CDH20: variants seen among roughly 807,000 people sequenced by gnomAD.
The protein encoded by CDH20 is cadherin-20.
A neutral mutation model predicts 74.2 loss-of-function variants in CDH20; 29 were observed. That is an observed-to-expected ratio of 0.39 (90% CI 0.29 to 0.53). The LOEUF is 0.53. CDH20 is among the 20% of genes least tolerant of loss of function. The pLI, the probability that CDH20 is intolerant of heterozygous loss-of-function variation, is 0.69. For missense variants in CDH20, 988 were observed against 1,048.3 expected (o/e 0.94, Z 0.79); for synonymous variants, 469 against 405.4 (o/e 1.16, Z -1.88).
chr18:61,370,059 TTAAAAA>T (rs1183577188), intron 1 of CDH20, among the ~76,000 whole-genome samples: 2 of 152,220 alleles, frequency 1.3e-5, no homozygotes, highest in East Asian at 3.9e-4. Flanking sequence ...GCCTCTCAAC[TTAAAAA>T]TAAAAGTTAG....
chr18:61,342,866 A>T (rs1035652704), intron 1 of CDH20, among the ~76,000 whole-genome samples: 3 of 152,248 alleles, frequency 2.0e-5, no homozygotes, highest in African/African-American at 4.8e-5. Context: ...ACAAAACTTT[A>T]GGAGAAAAAA....
At chr18:61,417,174 G>T (rs949205159) in intron 1 of CDH20, among the ~76,000 whole-genome samples, 1 of 152,058 alleles carries the variant, frequency 6.6e-6, no homozygotes, top group Non-Finnish European at 1.5e-5. Context: ...GGAAAGTCTG[G>T]CTTTCACAAA....
At chr18:61,550,267 C>A (rs1376228327) in intron 11 of CDH20, 38 bp downstream of exon 11, 1 of 1,594,360 alleles carries the variant, frequency 6.3e-7, no homozygotes, top group Non-Finnish European at 8.6e-7. Flanking sequence ...TGGAGTCCTG[C>A]CAGTGCGCAC....
chr18:61,458,047 T>C (rs1909637510), intron 1 of CDH20, among the ~76,000 whole-genome samples: 1 of 152,178 alleles, frequency 6.6e-6, no homozygotes, highest in African/African-American at 2.4e-5. Flanking sequence ...CATGACTGTC[T>C]TTCTGATCAT....
At chr18:61,411,602 A>G (rs200053608) in intron 1 of CDH20, among the ~76,000 whole-genome samples, 98,176 of 134,132 alleles carry the variant, frequency 0.73, 32,501 homozygotes, top group East Asian at 0.82. Flanking sequence ...ATATATATAT[A>G]TATATATATA....
intron 1 of CDH20, among the ~76,000 whole-genome samples, chr18:61,380,167 G>A (rs185986894): frequency 1.7e-4 from 26 of 152,260 alleles, no homozygotes; most frequent in African/African-American, 5.5e-4. Flanking sequence ...GGGGAGGAAG[G>A]CCAATATCCT....
intron 1 of CDH20, among the ~76,000 whole-genome samples, chr18:61,458,932 T>C (rs1909673488): frequency 6.6e-6 from 1 of 152,208 alleles, no homozygotes; most frequent in South Asian, 2.1e-4. Context: ...ATGACTGCAG[T>C]CCTTGTTTGT....
intron 1 of CDH20, among the ~76,000 whole-genome samples, chr18:61,398,744 C>G (rs1912066097): frequency 6.6e-6 from 1 of 152,138 alleles, no homozygotes; most frequent in Non-Finnish European, 1.5e-5. Flanking sequence ...CACTCCAGGT[C>G]ACTCTACAGG....
At position 61,461,326 on chromosome 18, in the gene CDH20, C is replaced by G. The variant is rs1383176399; in HGVS notation, c.-152-29076C>G. ...TAACAAAGTACCACAAGCTGGGTGA[C>G]TTAAAAAAAAAAAAAAAAAAAACCA... On this transcript the variant is annotated intron_variant, in intron 1 of 11. Transcript: ENST00000262717. 1.5e-4 allele frequency among the ~76,000 whole-genome samples: 14 copies of G among 90,602 alleles called. No homozygotes were observed. The East Asian group carries it at 3.9e-3, about 25-fold the overall frequency. 59.4% of individuals were successfully genotyped at this position (90,602 alleles called of 152,430 possible).
At chr18:61,339,370 C>T (rs1451422510) in intron 1 of CDH20, among the ~76,000 whole-genome samples, 2 of 151,638 alleles carry the variant, frequency 1.3e-5, no homozygotes, top group Non-Finnish European at 2.9e-5. Context: ...TACACACACA[C>T]ACACACACAC....
At chr18:61,531,417 C>T (rs773375538) in intron 7 of CDH20, among the ~76,000 whole-genome samples, 2 of 152,236 alleles carry the variant, frequency 1.3e-5, no homozygotes, top group African/African-American at 2.4e-5. Flanking sequence ...CCGTGGACCA[C>T]ATGGCTGGCT....
At chr18:61,507,699 A>AC (rs1230916036) in intron 6 of CDH20, 139 bp downstream of exon 6, 5 of 554,856 alleles carry the variant, frequency 9.0e-6, no homozygotes, top group Non-Finnish European at 1.5e-5. Flanking sequence ...TAAAAAAAAA[A>AC]ACACACAGAA....
At chr18:61,535,761 G>A (rs551164342) in intron 7 of CDH20, among the ~76,000 whole-genome samples, 7 of 152,300 alleles carry the variant, frequency 4.6e-5, no homozygotes, top group African/African-American at 1.2e-4. Context: ...TGCATTGCTC[G>A]AACGCAAAGA....
intron 1 of CDH20, among the ~76,000 whole-genome samples, chr18:61,373,474 T>G (rs538307467): frequency 1.3e-5 from 2 of 152,242 alleles, no homozygotes; most frequent in African/African-American, 4.8e-5. Context: ...TTCAGGCCAC[T>G]GCCCTCCATC....
At chr18:61,369,048 T>C (rs1222918134) in intron 1 of CDH20, among the ~76,000 whole-genome samples, 1 of 152,034 alleles carries the variant, frequency 6.6e-6, no homozygotes, top group African/African-American at 2.4e-5. Flanking sequence ...AAATGTTCTA[T>C]AGAAACTGGG....
Position 61,353,805 on chromosome 18 carries a change from G to A in CDH20, c.-153+19978G>A, listed in dbSNP as rs1910394385. Among the ~76,000 whole-genome samples the A allele has an allele frequency of 6.6e-6, 1 of 152,136 alleles. No individual in the cohort carries two copies. Among genetic ancestry groups the A allele is most frequent in the Admixed American group, 6.5e-5 (1 of 15,274 alleles). ...AAAAAAAATCTTTCAGTTCCAGCCA[G>A]TCATGGTGGCTCATGCCTGTAATCC... is the stretch of plus-strand genomic sequence containing the variant. On this transcript the variant is annotated intron_variant, in intron 1 of 11. Transcript: ENST00000262717. The surrounding 1 kb of genome is among the most constrained non-coding windows in gnomAD (Gnocchi z 4.6).
chr18:61,470,518 C>G (rs1001167777), intron 1 of CDH20, among the ~76,000 whole-genome samples: 1 of 152,048 alleles, frequency 6.6e-6, no homozygotes, highest in South Asian at 2.1e-4. Context: ...CTGCTTTTCA[C>G]CAAGTGTATT....
At chr18:61,389,415 A>G (rs1294089525) in intron 1 of CDH20, among the ~76,000 whole-genome samples, 1 of 152,182 alleles carries the variant, frequency 6.6e-6, no homozygotes, top group Non-Finnish European at 1.5e-5. Context: ...AATATTACAT[A>G]CTGACATGGA....
chr18:61,363,074 A>C (rs944879258), intron 1 of CDH20, among the ~76,000 whole-genome samples: 2 of 152,156 alleles, frequency 1.3e-5, no homozygotes, highest in Non-Finnish European at 1.5e-5. Context: ...TTTTATGATT[A>C]ATTAATGAGT....
Sources: gnomAD v4.1 joint callset for allele counts (sites outside exome capture counted in the v4.1 genomes callset) on GRCh38, gnomAD v4.1.1 for gene constraint, Gnocchi (gnomAD v3.1) non-coding constraint, MANE v1.5 for transcripts, NCBI Gene and HGNC (gene_info 2026-07-23, HGNC 2026-07-21) for gene names.